CATSPERT: variants seen among roughly 807,000 people sequenced by gnomAD.
CATSPERT encodes the protein cation channel sperm-associated targeting subunit tau.
the CATSPERT span, among the ~76,000 whole-genome samples, chr2:201,528,550 T>TA: frequency 6.6e-6 from 1 of 152,140 alleles, no homozygotes; most frequent in African/African-American, 2.4e-5. Flanking sequence ...GCAAATGTGG[T>TA]ATGTATATTC....
chr2:201,496,003 T>G, the CATSPERT span: 2 of 1,327,702 alleles, frequency 1.5e-6, no homozygotes, highest in Non-Finnish European at 2.1e-6. Context: ...TTTAGATTAC[T>G]TGTAATATAA....
At chr2:201,575,209 A>G in the CATSPERT span, 1 of 1,251,502 alleles carries the variant, frequency 8.0e-7, no homozygotes, top group Non-Finnish European at 1.1e-6. Context: ...ATAATATCAG[A>G]GTAAAGTTAC....
chr2:201,491,632 G>A, the CATSPERT span: 3 of 1,537,132 alleles, frequency 2.0e-6, no homozygotes, highest in Non-Finnish European at 2.6e-6. Context: ...GGAAGGGAAA[G>A]TGATTCTGTT....
chr2:201,601,928 G>C, the CATSPERT span: 1 of 1,408,668 alleles, frequency 7.1e-7, no homozygotes, highest in Non-Finnish European at 9.8e-7. Context: ...TGTTGTAATT[G>C]AACAATAATA....
chr2:201,544,745 G>A, the CATSPERT span, among the ~76,000 whole-genome samples: 1 of 149,838 alleles, frequency 6.7e-6, no homozygotes, highest in African/African-American at 2.5e-5. Flanking sequence ...AGCACTTCGG[G>A]AAGCCAAGGC....
At chr2:201,610,384 G>C in the CATSPERT span, among the ~76,000 whole-genome samples, 1 of 152,024 alleles carries the variant, frequency 6.6e-6, no homozygotes, top group East Asian at 1.9e-4. Context: ...CGTGAACCTG[G>C]GAGGCAGAGC....
the CATSPERT span, among the ~76,000 whole-genome samples, chr2:201,581,857 C>A: frequency 1.3e-5 from 2 of 151,726 alleles, no homozygotes; most frequent in Non-Finnish European, 2.9e-5. Flanking sequence ...ATCTGCCCAC[C>A]TCGGCCTCCC....
At chr2:201,565,688 A>T in the CATSPERT span, 1 of 1,493,072 alleles carries the variant, frequency 6.7e-7, no homozygotes, top group Non-Finnish European at 8.9e-7. Flanking sequence ...TAAGATGAAA[A>T]TTTTGAGCTC....
At chr2:201,614,146 T>C in the CATSPERT span, among the ~76,000 whole-genome samples, 1 of 152,144 alleles carries the variant, frequency 6.6e-6, no homozygotes, top group Non-Finnish European at 1.5e-5. Context: ...CAGGATATTA[T>C]CCAGGAGAAC....
chr2:201,491,675 T>C, the CATSPERT span: 2 of 1,536,984 alleles, frequency 1.3e-6, no homozygotes, highest in Admixed American at 2.0e-5. Context: ...ATTCTGGCAT[T>C]AGGAATTCTT....
the CATSPERT span, among the ~76,000 whole-genome samples, chr2:201,563,671 T>G: frequency 6.6e-6 from 1 of 152,254 alleles, no homozygotes; most frequent in Non-Finnish European, 1.5e-5. Flanking sequence ...TGTTTTGCTT[T>G]TTTATGTCTC....
the CATSPERT span, among the ~76,000 whole-genome samples, chr2:201,591,827 A>G: frequency 2.6e-5 from 4 of 151,992 alleles, no homozygotes; most frequent in Admixed American, 2.6e-4. Context: ...ATTTTTGTAC[A>G]TTGATTTTGT....
the CATSPERT span, among the ~76,000 whole-genome samples, chr2:201,519,954 G>C: frequency 1.3e-5 from 2 of 151,972 alleles, no homozygotes; most frequent in African/African-American, 4.8e-5. Context: ...TCAAACACTT[G>C]AAAGCAAAGA....
chr2:201,604,747 A>T, the CATSPERT span: 1 of 1,359,380 alleles, frequency 7.4e-7, no homozygotes, highest in Non-Finnish European at 1.0e-6. Context: ...AAACATAACT[A>T]GATGAAACAT....
the CATSPERT span, chr2:201,536,169 G>A: frequency 6.2e-7 from 1 of 1,613,342 alleles, no homozygotes; most frequent in Non-Finnish European, 8.5e-7. Context: ...TGCTTTTATT[G>A]TTTCCTGGTT....
chr2:201,565,772 A>T, the CATSPERT span: 1 of 1,606,174 alleles, frequency 6.2e-7, no homozygotes, highest in Non-Finnish European at 8.5e-7. Flanking sequence ...CGCACTACAG[A>T]TGGCTGGTTG....
At chr2:201,586,447 T>C in the CATSPERT span, among the ~76,000 whole-genome samples, 1 of 152,022 alleles carries the variant, frequency 6.6e-6, no homozygotes, top group East Asian at 1.9e-4. Context: ...ATATTATAAT[T>C]ATATAAAATG....
chr2:201,497,473 A>G, the CATSPERT span, among the ~76,000 whole-genome samples: 1 of 152,382 alleles, frequency 6.6e-6, no homozygotes, highest in South Asian at 2.1e-4. Context: ...AGAAACATGT[A>G]TGATAAACAA....
the CATSPERT span, among the ~76,000 whole-genome samples, chr2:201,518,392 G>T: frequency 6.6e-6 from 1 of 152,324 alleles, no homozygotes; most frequent in African/African-American, 2.4e-5. Flanking sequence ...CCACATTCAT[G>T]ACTATTGAGA....
Sources: allele counts gnomAD v4.1 joint callset (sites outside exome capture counted in the v4.1 genomes callset), GRCh38; gene constraint gnomAD v4.1.1; transcripts MANE v1.5; gene names NCBI Gene and HGNC (gene_info 2026-07-23, HGNC 2026-07-21).